Variants in NKAIN2 observed in about 807,000 individuals in gnomAD.
The protein encoded by NKAIN2 is sodium/potassium transporting ATPase interacting 2.
A neutral mutation model predicts 32.6 loss-of-function variants in NKAIN2; 14 were observed. That is an observed-to-expected ratio of 0.43 (90% CI 0.28 to 0.67). The LOEUF is 0.67. NKAIN2 is among the 30% of genes least tolerant of loss of function. The pLI is 0.17. For missense variants in NKAIN2, 198 were observed against 258.3 expected, an observed-to-expected ratio of 0.77 and a Z score of 1.60; for synonymous variants, 80 against 87.2, an observed-to-expected ratio of 0.92 and a Z score of 0.46.
At chr6:124,803,712 G>GTCACTC (rs767629363) in intron 5 of NKAIN2, among the ~76,000 whole-genome samples, 36 of 152,004 alleles carry the variant, frequency 2.4e-4, no homozygotes, top group Non-Finnish European at 4.3e-4. Context: ...CTACACTTTT[G>GTCACTC]TCACTCTATA....
chr6:124,064,080 A>G (rs979676626), intron 1 of NKAIN2, among the ~76,000 whole-genome samples: 4 of 151,776 alleles, frequency 2.6e-5, no homozygotes, highest in Non-Finnish European at 5.9e-5. Flanking sequence ...CCTCCCGAGT[A>G]GCTGGGACTA....
intron 1 of NKAIN2, among the ~76,000 whole-genome samples, chr6:123,854,701 C>T (rs1276624933): frequency 6.6e-6 from 1 of 152,040 alleles, no homozygotes; most frequent in Non-Finnish European, 1.5e-5. Flanking sequence ...TGTGCAAGGC[C>T]CTTCATCTTA....
chr6:123,821,080 A>G (rs1773903806), intron 1 of NKAIN2, among the ~76,000 whole-genome samples: 1 of 152,190 alleles, frequency 6.6e-6, no homozygotes, highest in East Asian at 1.9e-4. Context: ...GGCTGTTGCT[A>G]TTGTGTTTTA....
chr6:124,398,797 A>C (rs138958053), intron 3 of NKAIN2, among the ~76,000 whole-genome samples: 1,646 of 152,316 alleles, frequency 0.011, 25 homozygotes, highest in African/African-American at 0.038. Context: ...AATAGTAGAA[A>C]AACAAATGCA....
intron 2 of NKAIN2, among the ~76,000 whole-genome samples, chr6:124,310,565 G>C (rs1452613998): frequency 6.6e-6 from 1 of 151,912 alleles, no homozygotes; most frequent in Non-Finnish European, 1.5e-5. Flanking sequence ...AAATATTACT[G>C]TCCCTTGGAG....
At chr6:124,358,709 C>A (rs1208020781) in intron 3 of NKAIN2, among the ~76,000 whole-genome samples, 2 of 151,802 alleles carry the variant, frequency 1.3e-5, no homozygotes, top group East Asian at 3.9e-4. Context: ...AAATTTTCTC[C>A]CATGTTGTAG....
At chr6:124,098,787 T>G (rs1352368802) in intron 1 of NKAIN2, among the ~76,000 whole-genome samples, 1 of 151,938 alleles carries the variant, frequency 6.6e-6, no homozygotes, top group Non-Finnish European at 1.5e-5. Context: ...GGAGAATTGT[T>G]TGAATCCAGG....
intron 3 of NKAIN2, among the ~76,000 whole-genome samples, chr6:124,476,447 A>G (rs1288088524): frequency 6.6e-6 from 1 of 150,828 alleles, no homozygotes; most frequent in Non-Finnish European, 1.5e-5. Context: ...GTGTGTGAAC[A>G]TAAGAAAAAA....
chr6:124,315,309 C>T (rs1274433526), intron 2 of NKAIN2, among the ~76,000 whole-genome samples: 4 of 151,766 alleles, frequency 2.6e-5, no homozygotes, highest in African/African-American at 7.3e-5. Flanking sequence ...ATAAAGGTAC[C>T]GATTTTTTCT....
intron 1 of NKAIN2, among the ~76,000 whole-genome samples, chr6:124,043,191 C>T (rs889298400): frequency 6.6e-6 from 1 of 151,956 alleles, no homozygotes; most frequent in Non-Finnish European, 1.5e-5. Context: ...AACCTTGTCT[C>T]TACTAAAAAT....
intron 1 of NKAIN2, among the ~76,000 whole-genome samples, chr6:124,264,330 A>T (rs1794386634): frequency 6.6e-6 from 1 of 152,272 alleles, no homozygotes; most frequent in South Asian, 2.1e-4. Flanking sequence ...TGCCTCTGTC[A>T]CTGCCCAGTC....
intron 2 of NKAIN2, among the ~76,000 whole-genome samples, chr6:124,298,432 A>G (rs1796155403): frequency 6.6e-6 from 1 of 152,200 alleles, no homozygotes; most frequent in South Asian, 2.1e-4. Context: ...CTAGGAATGA[A>G]ACATTTTCAA....
chr6:123,992,098 T>C (rs1378104300), intron 1 of NKAIN2, among the ~76,000 whole-genome samples: 1 of 152,126 alleles, frequency 6.6e-6, no homozygotes, highest in African/African-American at 2.4e-5. Context: ...GAGCAGTATC[T>C]TTCTGGGCTG....
At chr6:124,334,239 A>C (rs553498862) in intron 2 of NKAIN2, among the ~76,000 whole-genome samples, 1 of 152,344 alleles carries the variant, frequency 6.6e-6, no homozygotes, top group African/African-American at 2.4e-5. Flanking sequence ...TTGAGCCCAA[A>C]ATACCAGTAT....
At chr6:124,573,824 A>G (rs1781226131) in intron 3 of NKAIN2, among the ~76,000 whole-genome samples, 5 of 152,090 alleles carry the variant, frequency 3.3e-5, no homozygotes, top group Admixed American at 3.3e-4. Flanking sequence ...AAAATGCTTC[A>G]CTCAAATCCT....
chr6:123,937,998 G>A (rs974043868), intron 1 of NKAIN2, among the ~76,000 whole-genome samples: 2 of 152,040 alleles, frequency 1.3e-5, no homozygotes, highest in Non-Finnish European at 2.9e-5. Flanking sequence ...TACACGAAAA[G>A]GTCAAGAATC....
intron 3 of NKAIN2, among the ~76,000 whole-genome samples, chr6:124,560,143 G>C (rs779236233): frequency 6.6e-6 from 1 of 152,072 alleles, no homozygotes; most frequent in East Asian, 1.9e-4. Context: ...ATTTTGACTT[G>C]TAGTTCCCAT....
At chr6:124,311,011 A>T (rs535162913) in intron 2 of NKAIN2, among the ~76,000 whole-genome samples, 1 of 152,280 alleles carries the variant, frequency 6.6e-6, no homozygotes, top group South Asian at 2.1e-4. Flanking sequence ...TTGTTTGAAG[A>T]CTTTCAAATT....
intron 1 of NKAIN2, among the ~76,000 whole-genome samples, chr6:124,106,779 T>C (rs1785139504): frequency 6.6e-6 from 1 of 152,164 alleles, no homozygotes. Flanking sequence ...GAAATTCATA[T>C]TTACAGAGTA....
Sources: allele counts gnomAD v4.1 joint callset (sites outside exome capture counted in the v4.1 genomes callset), GRCh38; gene constraint gnomAD v4.1.1; transcripts MANE v1.5; gene names NCBI Gene and HGNC (gene_info 2026-07-23, HGNC 2026-07-21).